The following AK9 variants were observed in gnomAD, a reference collection of about 807,000 sequenced individuals.
The protein encoded by AK9 is adenylate kinase domain containing 1.
Under a neutral mutation model 239.6 loss-of-function variants are expected in AK9, and 191 were observed. That is an observed-to-expected ratio of 0.80 (90% CI 0.71 to 0.90). AK9 has a LOEUF of 0.90. AK9 is among the 40% of genes least tolerant of loss of function. The pLI is 0.00. For missense variants in AK9, 1,995 were observed against 2,214.7 expected (o/e 0.90, Z 1.99); for synonymous variants, 689 against 721.0 (o/e 0.96, Z 0.71).
intron 1 of AK9, among the ~76,000 whole-genome samples, chr6:109,684,650 G>A (rs1224186669): frequency 1.8e-4 from 27 of 149,810 alleles, no homozygotes; most frequent in East Asian, 1.4e-3. Flanking sequence ...CGAGGCGGGC[G>A]GATCACGAGG....
intron 34 of AK9, 38 bp downstream of exon 34, chr6:109,506,616 G>T: frequency 6.5e-7 from 1 of 1,531,604 alleles, no homozygotes; most frequent in Non-Finnish European, 8.8e-7. Context: ...TATGATTAAA[G>T]TTTATTCCTT....
At chr6:109,675,239 T>C (rs1304441747) in intron 2 of AK9, among the ~76,000 whole-genome samples, 1 of 152,190 alleles carries the variant, frequency 6.6e-6, no homozygotes, top group African/African-American at 2.4e-5. Context: ...ACAGTTGTCA[T>C]GTGCAGTGTT....
intron 12 of AK9, among the ~76,000 whole-genome samples, chr6:109,625,314 T>C (rs1473966270): frequency 6.6e-6 from 1 of 152,250 alleles, no homozygotes; most frequent in Non-Finnish European, 1.5e-5. Context: ...TGTAGTTGTT[T>C]AAAGCTCTTG....
At chr6:109,667,761 C>CATG (rs1801439990) in intron 5 of AK9, among the ~76,000 whole-genome samples, 1 of 152,170 alleles carries the variant, frequency 6.6e-6, no homozygotes, top group Admixed American at 6.5e-5. Flanking sequence ...CATAGTATTG[C>CATG]ATGATGTATA....
chr6:109,670,323 C>T (rs764462705), intron 5 of AK9, among the ~76,000 whole-genome samples: 2 of 151,824 alleles, frequency 1.3e-5, no homozygotes, highest in Non-Finnish European at 2.9e-5. Context: ...TTTAAGTGTC[C>T]TTTTCTTTTA....
chr6:109,674,276 T>C lies in AK9; in HGVS notation c.118-15A>G, dbSNP rs1771376537. On this transcript the variant is annotated splice_polypyrimidine_tract_variant and intron_variant, in intron 2 of 40. Transcript: ENST00000424296. Reference sequence around the variant, plus strand: ...TTCCCAACACCCTTAAAAAGAAAAATGTTATTTAAAGCCCAATAGAACAGT... The same window carrying C: ...TTCCCAACACCCTTAAAAAGAAAAACGTTATTTAAAGCCCAATAGAACAGT... 1.3e-6 allele frequency: 2 copies of C among 1,535,404 alleles called. No individual in the cohort carries two copies. The highest frequency in any genetic ancestry group is 1.8e-6 in the Non-Finnish European group (2 of 1,139,370).
In AK9 at chr6:109,542,151, T is replaced by G; in HGVS notation, c.3246A>C (p.Thr1082=). Residue 1082 remains threonine, a synonymous_variant, in exon 27 of 41, where the codon ACA becomes ACC. Transcript: ENST00000424296. ...TTGATTTGATTACTTCTTCTTCTTC[T>G]GTAAGTTGTACTTCTGGAAGCTAAA... is the stretch of plus-strand genomic sequence containing the variant. ...TKKQLPEVQL[T]EEEEVIKSSL... is the part of the protein sequence containing the mutation. The G allele has an allele frequency of 6.3e-7, 1 of 1,598,288 alleles. No homozygotes were observed. Among genetic ancestry groups the G allele is most frequent in the Non-Finnish European group, 8.5e-7 (1 of 1,174,380 alleles).
In AK9 at chr6:109,586,036, G is replaced by C. The variant is rs374212368; in HGVS notation, c.1879C>G (p.Pro627Ala). 3 of 1,550,654 alleles carry C rather than the reference G, an allele frequency of 1.9e-6. No individual in the cohort carries two copies. The highest frequency in any genetic ancestry group is 2.6e-6 in the Non-Finnish European group (3 of 1,146,716). The stretch of plus-strand genomic sequence containing the variant: ...TCCACAATCCAGCCTCCATATTTTG[G>C]GGCACCAGGAAACCTATCCTTGTTT... ...EENKDRFPGA[P>A]KYGGWIVDNC... The change falls in exon 18 of 41, where the codon CCA becomes GCA. Residue 627 changes from proline (P) to alanine (A), a missense_variant. Coordinates refer to ENST00000424296, the MANE Select transcript of AK9 (RefSeq NM_001145128.3).
At chr6:109,507,344 GA>G (rs60973066) in intron 33 of AK9, among the ~76,000 whole-genome samples, 55,465 of 149,238 alleles carry the variant, frequency 0.37, 10,573 homozygotes, top group South Asian at 0.45. Context: ...AGCCAATATG[GA>G]AAAAAAAAAA....
intron 12 of AK9, among the ~76,000 whole-genome samples, chr6:109,622,566 TTAATA>T (rs1021102558): frequency 3.4e-4 from 50 of 145,824 alleles, no homozygotes; most frequent in African/African-American, 1.1e-3. Context: ...ATATTGTATA[TTAATA>T]TAATATATGC....
intron 17 of AK9, among the ~76,000 whole-genome samples, chr6:109,594,763 G>A (rs1347491742): frequency 6.6e-6 from 1 of 152,150 alleles, no homozygotes; most frequent in Non-Finnish European, 1.5e-5. Context: ...ATGGGGAAAG[G>A]ATTCCCTGTT....
At chr6:109,602,384 G>T (rs1310985687) in intron 17 of AK9, among the ~76,000 whole-genome samples, 2 of 152,184 alleles carry the variant, frequency 1.3e-5, no homozygotes, top group Non-Finnish European at 2.9e-5. Context: ...TTTTCTTTAA[G>T]AATGTTGAAT....
chr6:109,586,464 T>C (rs1335480823), intron 17 of AK9, among the ~76,000 whole-genome samples: 6 of 152,128 alleles, frequency 3.9e-5, no homozygotes, highest in Admixed American at 2.6e-4. Flanking sequence ...ATAAATATAA[T>C]AATACATTTT....
intron 5 of AK9, among the ~76,000 whole-genome samples, chr6:109,663,160 A>G (rs1337730180): frequency 6.6e-6 from 1 of 152,158 alleles, no homozygotes; most frequent in Non-Finnish European, 1.5e-5. Context: ...AACAGCCAAT[A>G]TGATTTTGGT....
chr6:109,522,232 AT>A (rs1255788787), intron 29 of AK9, among the ~76,000 whole-genome samples: 1 of 152,036 alleles, frequency 6.6e-6, no homozygotes, highest in Non-Finnish European at 1.5e-5. Flanking sequence ...CCAATCTCAA[AT>A]TTCATAAGGA....
rs1779297938 is a variant in AK9 at position 109,516,600 on chromosome 6, C to G, written c.3676G>C (p.Glu1226Gln). The change falls in exon 30 of 41, where the codon GAA becomes CAA. Residue 1226 changes from glutamate to glutamine, a missense_variant. This residue lies in a region of AK9 where 1,290 missense variants were observed against 1,392.7 expected (regional missense o/e 0.93). Coordinates refer to ENST00000424296, the MANE Select transcript of AK9 (RefSeq NM_001145128.3). ...TTTTCAATATCATCATTGTCTTCTT[C>G]AAGTTCTTCCTCACTAATCTCTTCA... is the stretch of plus-strand genomic sequence containing the variant. ...DDEEISEEEL[E>Q]EDNDDIENIL... 7.1e-6 allele frequency: 11 copies of G among 1,550,598 alleles called. No homozygotes were observed. The highest frequency in any genetic ancestry group is 9.6e-6 in the Non-Finnish European group (11 of 1,146,864).
intron 25 of AK9, among the ~76,000 whole-genome samples, chr6:109,546,863 C>A (rs781773808): frequency 6.6e-6 from 1 of 152,170 alleles, no homozygotes; most frequent in East Asian, 1.9e-4. Flanking sequence ...ACCAGTTAAA[C>A]GTCTCGCAAC....
At chr6:109,548,664 T>G (rs1279631252) in intron 25 of AK9, among the ~76,000 whole-genome samples, 1 of 152,204 alleles carries the variant, frequency 6.6e-6, no homozygotes, top group Non-Finnish European at 1.5e-5. Flanking sequence ...GTTGGCTCAG[T>G]GTACAATTTT....
chr6:109,590,627 G>T (rs568031997), intron 17 of AK9, among the ~76,000 whole-genome samples: 8 of 152,066 alleles, frequency 5.3e-5, no homozygotes, highest in Non-Finnish European at 1.2e-4. Flanking sequence ...GTTAATTTGA[G>T]ATCTTTCTAT....
Sources: allele counts gnomAD v4.1 joint callset (sites outside exome capture counted in the v4.1 genomes callset), GRCh38; gene constraint gnomAD v4.1.1; regional missense constraint gnomAD v4.1.1; transcripts MANE v1.5; gene names NCBI Gene and HGNC (gene_info 2026-07-23, HGNC 2026-07-21).